Variants in PDGFA observed in about 807,000 individuals in gnomAD.
PDGFA encodes the protein platelet-derived growth factor subunit A.
A neutral mutation model predicts 25.6 loss-of-function variants in PDGFA; 9 were observed. That is an observed-to-expected ratio of 0.35 (90% CI 0.21 to 0.61). The LOEUF (loss-of-function observed/expected upper bound fraction) is 0.61, where lower values mean the gene tolerates loss of function less well. PDGFA is among the 20% of genes least tolerant of loss of function. The probability of loss-of-function intolerance (pLI) is 0.75; values close to 1 mark genes in which losing one functional copy is unlikely to be tolerated. For synonymous variants in PDGFA, 133 were observed against 111.8 expected (o/e 1.19, Z -1.20); for missense variants, 242 against 272.8 (o/e 0.89, Z 0.79).
intron 2 of PDGFA, among the ~76,000 whole-genome samples, chr7:516,089 G>C (rs1783084210): frequency 8.0e-6 from 1 of 124,618 alleles, no homozygotes; most frequent in South Asian, 2.6e-4. Context: ...CGAGATTCAG[G>C]CAAGGGATTC....
Position 500,580 on chromosome 7 carries a change from C to T in PDGFA, c.580+536G>A. ...GAACTGAAGCAACAAATACCTACGG[C>T]ATTTGTTTATCTTTCCAGAAGAGAA... is the stretch of plus-strand genomic sequence containing the variant. On this transcript the variant is annotated intron_variant, in intron 5 of 5. Transcript: ENST00000402802. This position sits in a 1 kb window ranked among gnomAD's most constrained non-coding sequence, Gnocchi z 5.0. 5.0e-6 allele frequency: 8 copies of T among 1,607,248 alleles called. No individual in the cohort carries two copies. The highest frequency in any genetic ancestry group is 6.8e-6 in the Non-Finnish European group (8 of 1,177,654).
At chr7:519,785 G>T (rs1783288483), upstream of PDGFA, among the ~76,000 whole-genome samples, 1 of 148,634 alleles carries the variant, frequency 6.7e-6, no homozygotes, top group Admixed American at 6.7e-5. Context: ...GGGAGAGGAG[G>T]AGGAGGAGTA....
intron 2 of PDGFA, chr7:513,364 T>A (rs1000849314): frequency 6.6e-6 from 1 of 150,986 alleles, no homozygotes; most frequent in Non-Finnish European, 1.5e-5. Context: ...GCTGGGGGAG[T>A]CTCAGGTCTC....
At chr7:516,747 A>C (rs1203358377) in intron 2 of PDGFA, among the ~76,000 whole-genome samples, 2 of 152,130 alleles carry the variant, frequency 1.3e-5, no homozygotes, top group African/African-American at 2.4e-5. Flanking sequence ...GCTTGCAAAC[A>C]AGCTGTGTTC....
chr7:518,867 T>TG, intron 1 of PDGFA, 72 bp downstream of exon 1: 3 of 1,035,872 alleles, frequency 2.9e-6, no homozygotes, highest in Non-Finnish European at 4.1e-6. Flanking sequence ...GCAGAGCCCG[T>TG]GGCGCCCCAG....
exon 6 of PDGFA, chr7:498,462 G>A: frequency 8.7e-7 from 1 of 1,151,168 alleles, no homozygotes; most frequent in African/African-American, 1.5e-5. Flanking sequence ...TCACGGAGGA[G>A]AACAAAGACC....
At position 499,073 on chromosome 7, in the gene PDGFA, C is replaced by T. The variant is rs149692425; in HGVS notation, c.581-499G>A. ...GGCCTCTCCATCGCACACTCCAACA[C>T]GTGGGCTGCCTATAGGCTGAACATG... On this transcript the variant is annotated intron_variant, in intron 5 of 5. Coordinates refer to ENST00000402802, the Ensembl canonical transcript of PDGFA. Among the ~76,000 whole-genome samples the T allele has an allele frequency of 8.8e-4, 134 of 152,338 alleles. 1 individual carries two copies. In the East Asian group the frequency reaches 0.023, roughly 27 times the overall value.
exon 1 of PDGFA, chr7:519,022 G>A: frequency 6.6e-7 from 1 of 1,520,174 alleles, no homozygotes; most frequent in Admixed American, 2.0e-5. Context: ...GGCGCTGGCT[G>A]CTCGGAGGAG....
At chr7:511,104 C>T in intron 3 of PDGFA, 108 bp from the exon 4 acceptor site, 2 of 806,286 alleles carry the variant, frequency 2.5e-6, no homozygotes, top group East Asian at 2.7e-5. Context: ...GGGTAAGCCA[C>T]AGGCCAGGAT....
rs547373706 is a variant in PDGFA at position 500,109 on chromosome 7, C to T, written c.580+1007G>A. Among the ~76,000 whole-genome samples, 7 of 152,318 alleles carry T rather than the reference C, an allele frequency of 4.6e-5. No homozygotes were observed. In the South Asian group the frequency reaches 1.0e-3, roughly 23 times the overall value. ...GGTGGGTGATCCCAGAGTGGCCAGG[C>T]GCTCAGAGCTGCCCCACCGCTGCTC... On this transcript the variant is annotated intron_variant, in intron 5 of 5. Coordinates refer to ENST00000402802, the Ensembl canonical transcript of PDGFA. This position sits in a 1 kb window ranked among gnomAD's most constrained non-coding sequence, Gnocchi z 5.0.
chr7:516,576 C>A (rs962760512), intron 2 of PDGFA, among the ~76,000 whole-genome samples: 7 of 152,204 alleles, frequency 4.6e-5, no homozygotes, highest in Non-Finnish European at 1.0e-4. Context: ...GCGCCACGCA[C>A]GCCTGGAAGA....
exon 6 of PDGFA, chr7:497,973 A>AAAAAAAAAAAAAAAAAAAAAAAAC (rs1782161752): frequency 1.5e-5 from 2 of 130,628 alleles, no homozygotes; most frequent in African/African-American, 2.9e-5. Flanking sequence ...AAAAAAAAAA[A>AAAAAAAAAAAAAAAAAAAAAAAAC]CAAAACAAAA....
rs34159199 is a variant in PDGFA, at chr7:506,175, C to CAAAAAAA, written c.453+4627_453+4633dup. On this transcript the variant is annotated intron_variant, in intron 4 of 5. Coordinates refer to ENST00000402802, the Ensembl canonical transcript of PDGFA. ...TGGGCAACAGAGTGAGACTCTGTCT[C>CAAAAAAA]AAAAAAAAAAAAAAAATCCCTCAAG... Among the ~76,000 whole-genome samples, 5 of 107,352 alleles carry CAAAAAAA rather than the reference C, an allele frequency of 4.7e-5. 2 individuals are homozygous for CAAAAAAA. The highest frequency in any genetic ancestry group is 1.1e-4 in the Admixed American group (1 of 9,374). The allele number at this position is 107,352 out of a possible 152,430, so 70.4% of individuals were successfully genotyped here.
At chr7:502,987 G>T (rs1011488632) in intron 4 of PDGFA, among the ~76,000 whole-genome samples, 4 of 152,028 alleles carry the variant, frequency 2.6e-5, no homozygotes, top group Non-Finnish European at 2.9e-5. Context: ...GTGCAAGCAC[G>T]CACACGCCTG....
At chr7:519,168 T>C (rs960502616) in exon 1 of PDGFA, 1 of 490,390 alleles carries the variant, frequency 2.0e-6, no homozygotes, top group Non-Finnish European at 3.6e-6. Context: ...GCGCGAGCAG[T>C]GAGTGCGGAG....
chr7:515,511 C>T (rs1433648426), intron 2 of PDGFA, among the ~76,000 whole-genome samples: 1 of 152,144 alleles, frequency 6.6e-6, no homozygotes, highest in Non-Finnish European at 1.5e-5. Context: ...GGGGACTGGA[C>T]AGGACCAAGG....
At chr7:499,504 G>A (rs552966313) in intron 5 of PDGFA, among the ~76,000 whole-genome samples, 41 of 152,182 alleles carry the variant, frequency 2.7e-4, no homozygotes, top group Non-Finnish European at 4.4e-4. Flanking sequence ...ACTTTCCCAA[G>A]CCAGACGGGC....
intron 4 of PDGFA, among the ~76,000 whole-genome samples, chr7:507,248 A>T (rs77431568): frequency 6.6e-6 from 1 of 152,152 alleles, no homozygotes; most frequent in African/African-American, 2.4e-5. Context: ...GGGAACATGA[A>T]GGGGGCCTGG....
Position 500,210 on chromosome 7 carries a change from G to A in PDGFA, c.580+906C>T, listed in dbSNP as rs1486388302. Among the ~76,000 whole-genome samples the A allele has an allele frequency of 6.6e-6, 1 of 152,236 alleles. No individual in the cohort carries two copies. Among genetic ancestry groups the A allele is most frequent in the African/African-American group, 2.4e-5 (1 of 41,464 alleles). On this transcript the variant is annotated intron_variant, in intron 5 of 5. Transcript: ENST00000402802. This position sits in a 1 kb window ranked among gnomAD's most constrained non-coding sequence, Gnocchi z 5.0. Reference sequence around the variant, plus strand: ...AACGACAAAGAGAAGGACAAAGCTGGAGGCAGGCTCCCAAGCGGGAGTGAG... The same window carrying A: ...AACGACAAAGAGAAGGACAAAGCTGAAGGCAGGCTCCCAAGCGGGAGTGAG...
Sources: gnomAD v4.1 joint callset for allele counts (sites outside exome capture counted in the v4.1 genomes callset) on GRCh38, gnomAD v4.1.1 for gene constraint, Gnocchi (gnomAD v3.1) non-coding constraint, MANE v1.5 for transcripts, NCBI Gene and HGNC (gene_info 2026-07-23, HGNC 2026-07-21) for gene names.